Variants in SMOC2 observed in about 807,000 individuals in gnomAD.
SMOC2 encodes the protein SPARC-related modular calcium-binding protein 2.
Under a neutral mutation model 61.4 loss-of-function variants are expected in SMOC2, and 39 were observed. The ratio of observed to expected loss-of-function variants is 0.64; its 90% CI spans 0.49 to 0.83. The LOEUF (loss-of-function observed/expected upper bound fraction) is 0.83. SMOC2 is among the 40% of genes least tolerant of loss of function. SMOC2 has a pLI of 0.00. For synonymous variants in SMOC2, 247 were observed against 239.9 expected (o/e 1.03, Z -0.27); for missense variants, 556 against 592.9 (o/e 0.94, Z 0.65).
intron 7 of SMOC2, among the ~76,000 whole-genome samples, chr6:168,589,643 C>T (rs1239471781): frequency 2.0e-5 from 3 of 151,032 alleles, no homozygotes; most frequent in South Asian, 2.1e-4. Flanking sequence ...AGGGGGCAGC[C>T]GGTCTGGTGG....
intron 9 of SMOC2, among the ~76,000 whole-genome samples, chr6:168,625,456 T>G (rs1786379964): frequency 6.6e-6 from 1 of 152,164 alleles, no homozygotes; most frequent in Non-Finnish European, 1.5e-5. Context: ...GGCCTGAAGG[T>G]CAGCTCAAAT....
At chr6:168,648,802 T>C (rs909970307) in intron 9 of SMOC2, among the ~76,000 whole-genome samples, 2 of 152,210 alleles carry the variant, frequency 1.3e-5, no homozygotes, top group Non-Finnish European at 1.5e-5. Context: ...TGTGGAGTCT[T>C]GCTATCGGCA....
chr6:168,539,753 G>A (rs2115094384), intron 4 of SMOC2, among the ~76,000 whole-genome samples: 1 of 152,326 alleles, frequency 6.6e-6, no homozygotes, highest in South Asian at 2.1e-4. Context: ...CCTGTGCGTG[G>A]TCTCCTGGCC....
At chr6:168,574,174 T>C (rs1315277802) in intron 7 of SMOC2, among the ~76,000 whole-genome samples, 1 of 152,240 alleles carries the variant, frequency 6.6e-6, no homozygotes, top group Non-Finnish European at 1.5e-5. Context: ...GAGCAGTGCA[T>C]GGGCACCTGT....
chr6:168,529,747 T>C (rs1188467676), intron 4 of SMOC2, among the ~76,000 whole-genome samples: 1 of 152,196 alleles, frequency 6.6e-6, no homozygotes, highest in Non-Finnish European at 1.5e-5. Context: ...AAATTCATAC[T>C]GGAATTTAAC....
intron 7 of SMOC2, among the ~76,000 whole-genome samples, chr6:168,589,076 C>CAAAA (rs35958554): frequency 1.4e-4 from 13 of 89,864 alleles, no homozygotes; most frequent in South Asian, 7.7e-4. Context: ...GAATTCGTCT[C>CAAAA]AAAAAAAAAA....
At chr6:168,449,897 G>A (rs986328483) in intron 1 of SMOC2, among the ~76,000 whole-genome samples, 4 of 152,264 alleles carry the variant, frequency 2.6e-5, no homozygotes, top group Admixed American at 1.3e-4. Flanking sequence ...TGAAATGGCC[G>A]CATCAAAGAA....
chr6:168,661,436 T>C (rs1380922117), intron 11 of SMOC2, among the ~76,000 whole-genome samples: 1 of 152,054 alleles, frequency 6.6e-6, no homozygotes. Flanking sequence ...ACCCCGTCTC[T>C]ACTGAAAATA....
At chr6:168,522,103 T>C (rs1414781307) in intron 2 of SMOC2, among the ~76,000 whole-genome samples, 8 of 152,224 alleles carry the variant, frequency 5.3e-5, no homozygotes, top group African/African-American at 1.9e-4. Context: ...TAAGATGTTT[T>C]TCTCTGAGGT....
At chr6:168,522,197 A>G (rs967459792) in intron 2 of SMOC2, among the ~76,000 whole-genome samples, 1 of 152,218 alleles carries the variant, frequency 6.6e-6, no homozygotes, top group Non-Finnish European at 1.5e-5. Flanking sequence ...CAACAGTGTA[A>G]CAAAGACAAA....
chr6:168,445,717 G>A (rs979705236), intron 1 of SMOC2, among the ~76,000 whole-genome samples: 2 of 152,152 alleles, frequency 1.3e-5, no homozygotes, highest in African/African-American at 4.8e-5. Flanking sequence ...GACGGACCAC[G>A]AAGGTGGTTA....
At chr6:168,602,940 G>C (rs897052006) in intron 8 of SMOC2, among the ~76,000 whole-genome samples, 14 of 152,108 alleles carry the variant, frequency 9.2e-5, no homozygotes, top group African/African-American at 2.7e-4. Flanking sequence ...ACAGGGTTTG[G>C]CTGTGTCCCC....
At chr6:168,486,596 T>TC (rs1291906992) in intron 1 of SMOC2, among the ~76,000 whole-genome samples, 1 of 150,958 alleles carries the variant, frequency 6.6e-6, no homozygotes, top group Non-Finnish European at 1.5e-5. Context: ...TGGAGTTGGC[T>TC]CTGATGACCT....
At chr6:168,598,155 T>G (rs573733396) in intron 7 of SMOC2, among the ~76,000 whole-genome samples, 13 of 152,182 alleles carry the variant, frequency 8.5e-5, no homozygotes, top group African/African-American at 3.1e-4. Flanking sequence ...AAGAGTGCAG[T>G]GGAAATTTTC....
intron 9 of SMOC2, among the ~76,000 whole-genome samples, chr6:168,639,570 T>G (rs746621907): frequency 6.6e-6 from 1 of 152,332 alleles, no homozygotes; most frequent in African/African-American, 2.4e-5. Context: ...ACTATAATTT[T>G]TCTATTGTAC....
chr6:168,608,382 G>C, intron 9 of SMOC2, 143 bp downstream of exon 9: 3 of 922,574 alleles, frequency 3.3e-6, no homozygotes, highest in Non-Finnish European at 4.9e-6. Context: ...CTTGCAGAGG[G>C]CCCTGAGTCC....
At chr6:168,660,621 G>A (rs983142542) in intron 11 of SMOC2, among the ~76,000 whole-genome samples, 9 of 152,222 alleles carry the variant, frequency 5.9e-5, no homozygotes, top group Admixed American at 2.6e-4. Context: ...CGCCCTGGGC[G>A]GGAAGGCAGG....
At chr6:168,530,884 G>C (rs1365141960) in intron 4 of SMOC2, among the ~76,000 whole-genome samples, 2 of 152,192 alleles carry the variant, frequency 1.3e-5, no homozygotes, top group African/African-American at 2.4e-5. Context: ...GTGTTCACAT[G>C]AGAACCAAAG....
In SMOC2 at chr6:168,598,707, G is replaced by C. The variant is rs1785391811; in HGVS notation, c.638-111G>C. ...CGCTGGCAGGCCCTCCTGCTCCGGG[G>C]TGAAGGAGGACCACATCGTTCTTGG... On this transcript the variant is annotated intron_variant, in intron 7 of 12. Transcript: ENST00000356284. The C allele has an allele frequency of 2.3e-6, 3 of 1,287,386 alleles. No individual in the cohort carries two copies. The Admixed American group carries it at 5.6e-5, about 24-fold the overall frequency. 79.7% of individuals were successfully genotyped at this position (1,287,386 alleles called of 1,614,324 possible).
Sources: allele counts gnomAD v4.1 joint callset (sites outside exome capture counted in the v4.1 genomes callset), GRCh38; gene constraint gnomAD v4.1.1; transcripts MANE v1.5; gene names NCBI Gene and HGNC (gene_info 2026-07-23, HGNC 2026-07-21).